Variants in RASA2 observed in about 807,000 individuals in gnomAD.
The protein encoded by RASA2 is RAS p21 protein activator 2, also known as ras GTPase-activating protein 2.
A neutral mutation model predicts 118.2 loss-of-function variants in RASA2; 155 were observed. The ratio of observed to expected loss-of-function variants is 1.31; its 90% CI spans 1.15 to 1.50. The LOEUF (loss-of-function observed/expected upper bound fraction) is 1.50. Ranked by LOEUF, RASA2 falls within the 40% of genes most tolerant of loss-of-function variation. The pLI is 0.00. For missense variants in RASA2, 1,016 were observed against 1,009.6 expected (o/e 1.01, Z -0.09); for synonymous variants, 353 against 349.1 (o/e 1.01, Z -0.12).
At chr3:141,546,170 G>A (rs1233081592) in intron 5 of RASA2, among the ~76,000 whole-genome samples, 1 of 152,210 alleles carries the variant, frequency 6.6e-6, no homozygotes, top group East Asian at 1.9e-4. Context: ...AACCATGAGA[G>A]CGCAGATACC....
chr3:141,571,073 G>A lies in RASA2; in HGVS notation c.1020+5G>A. ...CTAAAATCACCAGATGTTCAAGTAT[G>A]TTAAGAATCTTAAGGATATGATTTA... On this transcript the variant is annotated splice_donor_5th_base_variant and intron_variant, in intron 10 of 23. Transcript: ENST00000286364. The A allele has an allele frequency of 6.3e-7, 1 of 1,592,120 alleles. No homozygotes were observed. The highest frequency in any genetic ancestry group is 1.4e-5 in the African/African-American group (1 of 73,492).
intron 19 of RASA2, among the ~76,000 whole-genome samples, chr3:141,588,847 A>ATTTTTT (rs1380672762): frequency 6.9e-6 from 1 of 145,946 alleles, no homozygotes; most frequent in Non-Finnish European, 1.5e-5. Flanking sequence ...TTTTATTTTT[A>ATTTTTT]TTTTTTTTTT....
intron 19 of RASA2, among the ~76,000 whole-genome samples, chr3:141,601,192 T>C (rs1266424804): frequency 6.6e-6 from 1 of 152,160 alleles, no homozygotes; most frequent in African/African-American, 2.4e-5. Flanking sequence ...TTTGAGAGGC[T>C]GCGGCAGACA....
At chr3:141,516,949 T>G (rs1024711166) in intron 3 of RASA2, among the ~76,000 whole-genome samples, 2 of 152,136 alleles carry the variant, frequency 1.3e-5, no homozygotes, top group African/African-American at 4.8e-5. Flanking sequence ...AATTTTTGTA[T>G]TTTTAGTAGA....
At chr3:141,579,162 C>A (rs2083060343) in intron 15 of RASA2, among the ~76,000 whole-genome samples, 1 of 152,070 alleles carries the variant, frequency 6.6e-6, no homozygotes, top group African/African-American at 2.4e-5. Flanking sequence ...AGCCAAAAAT[C>A]AAACTAAAGC....
intron 5 of RASA2, among the ~76,000 whole-genome samples, chr3:141,547,977 GT>G (rs2082511889): frequency 6.6e-6 from 1 of 152,136 alleles, no homozygotes; most frequent in Non-Finnish European, 1.5e-5. Context: ...TTGATATGAT[GT>G]GTCACACTGA....
intron 1 of RASA2, among the ~76,000 whole-genome samples, chr3:141,492,528 T>C (rs561352875): frequency 2.0e-5 from 3 of 152,160 alleles, no homozygotes; most frequent in Non-Finnish European, 4.4e-5. Context: ...AAATGACAAA[T>C]TTGTTTTCCT....
At chr3:141,610,728 C>T (rs576344261) in intron 23 of RASA2, among the ~76,000 whole-genome samples, 1 of 151,840 alleles carries the variant, frequency 6.6e-6, no homozygotes, top group East Asian at 1.9e-4. Context: ...TGACCTCCAG[C>T]GATCCTCCTG....
At chr3:141,501,787 T>A (rs545532354) in intron 1 of RASA2, among the ~76,000 whole-genome samples, 28 of 152,336 alleles carry the variant, frequency 1.8e-4, no homozygotes, top group African/African-American at 6.7e-4. Flanking sequence ...CATTTTAATT[T>A]TACTCTAAAC....
At position 141,509,955 on chromosome 3, in the gene RASA2, TTAAG is replaced by T. The variant is rs545482375; in HGVS notation, c.134-2205_134-2202del. On this transcript the variant is annotated intron_variant, in intron 1 of 23. Coordinates refer to ENST00000286364, the MANE Select transcript of RASA2 (RefSeq NM_006506.5). ...ATGGACCTAAATTTGTTTATTCTGTTTAAGTAGTAACTTTATTTTTTTAGTGACA... is the reference window on the plus strand; with the variant it reads ...ATGGACCTAAATTTGTTTATTCTGTTTAGTAACTTTATTTTTTTAGTGACA... Among the ~76,000 whole-genome samples, 376 of 152,368 alleles carry T rather than the reference TTAAG, an allele frequency of 2.5e-3. 4 individuals carry two copies. Among genetic ancestry groups the T allele is most frequent in the African/African-American group, 8.5e-3 (355 of 41,584 alleles).
chr3:141,555,768 G>A, intron 6 of RASA2, 72 bp from the exon 7 acceptor site: 1 of 1,310,526 alleles, frequency 7.6e-7, no homozygotes, highest in Non-Finnish European at 1.1e-6. Context: ...AGGCTCCCTG[G>A]TTGGAAATAG....
chr3:141,610,806 GT>G (rs2083639265), intron 23 of RASA2, among the ~76,000 whole-genome samples: 1 of 151,936 alleles, frequency 6.6e-6, no homozygotes, highest in African/African-American at 2.4e-5. Flanking sequence ...CAGTTTTAAT[GT>G]TACATTCAGT....
At position 141,558,883 on chromosome 3, in the gene RASA2, C is replaced by T; in HGVS notation, c.685-3C>T. On this transcript the variant is annotated splice_polypyrimidine_tract_variant and splice_region_variant and intron_variant, in intron 7 of 23. Coordinates refer to ENST00000286364, the MANE Select transcript of RASA2 (RefSeq NM_006506.5). Reference sequence around the variant, plus strand: ...AATTTTTACTAAAATATTTTGTTTACAGGTAACCAGATCCAGTAGTTACAC... The same window carrying T: ...AATTTTTACTAAAATATTTTGTTTATAGGTAACCAGATCCAGTAGTTACAC... The T allele has an allele frequency of 1.3e-6, 2 of 1,588,396 alleles. No homozygotes were observed. The highest frequency in any genetic ancestry group is 1.7e-6 in the Non-Finnish European group (2 of 1,158,684).
intron 12 of RASA2, 45 bp downstream of exon 12, chr3:141,572,768 AGTT>A (rs2082944971): frequency 7.2e-7 from 1 of 1,394,266 alleles, no homozygotes; most frequent in Middle Eastern, 1.8e-4. Flanking sequence ...GCCTTATGAT[AGTT>A]GTTCTTTTAT....
intron 19 of RASA2, among the ~76,000 whole-genome samples, chr3:141,594,175 G>C (rs1263779543): frequency 1.3e-5 from 2 of 152,054 alleles, no homozygotes; most frequent in Non-Finnish European, 2.9e-5. Context: ...AATCTGATGG[G>C]CTTAACAACA....
At chr3:141,611,889 A>T (rs927990683) in intron 23 of RASA2, among the ~76,000 whole-genome samples, 17 of 152,160 alleles carry the variant, frequency 1.1e-4, no homozygotes, top group Admixed American at 1.1e-3. Context: ...GGAAGTTTCC[A>T]TATGAGATCC....
chr3:141,580,083 AAAATATATATATAT>A (rs1475164824), intron 15 of RASA2, among the ~76,000 whole-genome samples: 1 of 82,550 alleles, frequency 1.2e-5, no homozygotes, highest in Non-Finnish European at 2.3e-5. Flanking sequence ...AAAAAAAAAA[AAAATATATATATAT>A]ATATATATAT....
chr3:141,505,867 A>T (rs1239311964), intron 1 of RASA2, among the ~76,000 whole-genome samples: 2 of 152,190 alleles, frequency 1.3e-5, no homozygotes, highest in Non-Finnish European at 2.9e-5. Flanking sequence ...TATTTAAGAT[A>T]TGTATGATTT....
intron 15 of RASA2, among the ~76,000 whole-genome samples, chr3:141,580,085 A>AAAAAATATAT (rs1553797703): frequency 6.7e-5 from 4 of 59,616 alleles, no homozygotes; most frequent in Non-Finnish European, 8.8e-5. Flanking sequence ...AAAAAAAAAA[A>AAAAAATATAT]ATATATATAT....
Sources: allele counts gnomAD v4.1 joint callset (sites outside exome capture counted in the v4.1 genomes callset), GRCh38; gene constraint gnomAD v4.1.1; transcripts MANE v1.5; gene names NCBI Gene and HGNC (gene_info 2026-07-23, HGNC 2026-07-21).